LGR6: variants seen among roughly 807,000 people sequenced by gnomAD.
The protein encoded by LGR6 is leucine rich repeat containing G protein-coupled receptor 6, also known as leucine-rich repeat-containing G protein-coupled receptor 6.
In LGR6, 45 loss-of-function variants were observed where a neutral mutation model predicts 69.4. The observed-to-expected ratio is 0.65, with a 90% CI of 0.51 to 0.83. The LOEUF (loss-of-function observed/expected upper bound fraction) is 0.83. Ranked by LOEUF, LGR6 falls within the 40% of genes least tolerant of loss-of-function variation. LGR6 has a pLI of 0.00. For missense variants in LGR6, 1,108 were observed against 1,246.7 expected, an observed-to-expected ratio of 0.89 and a Z score of 1.68; for synonymous variants, 538 against 555.0, an observed-to-expected ratio of 0.97 and a Z score of 0.43.
chr1:202,211,024 T>A (rs993049710), intron 1 of LGR6, among the ~76,000 whole-genome samples: 2 of 152,072 alleles, frequency 1.3e-5, no homozygotes, highest in Admixed American at 6.6e-5. Flanking sequence ...AGAAGGTGGG[T>A]AGGATGGGGC....
intron 1 of LGR6, among the ~76,000 whole-genome samples, chr1:202,215,018 T>TGCGCGC (rs1553239904): frequency 6.1e-5 from 9 of 146,598 alleles, no homozygotes; most frequent in African/African-American, 2.4e-4. Flanking sequence ...TGTGTGTGTG[T>TGCGCGC]GTGCGCGCGC....
At chr1:202,298,159 G>A (rs1667299092) in intron 7 of LGR6, among the ~76,000 whole-genome samples, 2 of 152,200 alleles carry the variant, frequency 1.3e-5, no homozygotes, top group Non-Finnish European at 2.9e-5. Context: ...GGTAAAACAG[G>A]GAGCAGGACA....
intron 1 of LGR6, among the ~76,000 whole-genome samples, chr1:202,200,241 A>G: frequency 6.6e-6 from 1 of 152,244 alleles, no homozygotes; most frequent in South Asian, 2.1e-4. Context: ...CTCTCCAAAG[A>G]GGAAGAATCT....
intron 4 of LGR6, among the ~76,000 whole-genome samples, chr1:202,273,106 G>A (rs536204478): frequency 6.6e-6 from 1 of 152,332 alleles, no homozygotes; most frequent in Admixed American, 6.5e-5. Flanking sequence ...GGGCCTTGGG[G>A]GGCTTAATCT....
intron 4 of LGR6, among the ~76,000 whole-genome samples, chr1:202,275,270 A>G (rs2148158528): frequency 6.6e-6 from 1 of 152,300 alleles, no homozygotes; most frequent in East Asian, 1.9e-4. Flanking sequence ...GTCCAGCAAT[A>G]GATCCATGGT....
Position 202,318,986 on chromosome 1 carries a change from G to A in LGR6, c.2683G>A (p.Gly895Ser). 6.2e-7 allele frequency: 1 copy of A among 1,613,778 alleles called. No homozygotes were observed. Among genetic ancestry groups the A allele is most frequent in the Non-Finnish European group, 8.5e-7 (1 of 1,179,810 alleles). Residue 895 changes from glycine to serine, a missense_variant, in exon 18 of 18, where the codon GGC becomes AGC. By Grantham distance (56) the Gly-to-Ser change is moderately conservative. Coordinates refer to ENST00000367278, the MANE Select transcript of LGR6 (RefSeq NM_001017403.2). ...GCGGCCCCCTGGGCTGGAGACCTAT[G>A]GCTTCCCCTCAGTGACCCTCATCTC... ...AGRPPGLETYGFPSVTLISCQ... is the reference protein window; with the variant it reads ...AGRPPGLETYSFPSVTLISCQ...
chr1:202,197,478 G>A (rs369672012), intron 1 of LGR6: 98 of 532,980 alleles, frequency 1.8e-4, no homozygotes, highest in Non-Finnish European at 3.0e-4. Context: ...CACTCACCGG[G>A]GTTTTGACAT....
chr1:202,310,315 A>G lies in LGR6; in HGVS notation c.1525A>G (p.Lys509Glu). ...DLHLDDEESSKRPLGLLARQA... is the reference protein window; with the variant it reads ...DLHLDDEESSERPLGLLARQA... Reference sequence around the variant, plus strand: ...TCACCTTGATGATGAGGAGTCTTCAAAAAGGCCCCTGGGCCTCCTTGCCAG... The same window carrying G: ...TCACCTTGATGATGAGGAGTCTTCAGAAAGGCCCCTGGGCCTCCTTGCCAG... Residue 509 changes from lysine (K) to glutamate (E), a missense_variant, in exon 16 of 18, where the codon AAA becomes GAA. Lys to Glu is a moderately conservative substitution (Grantham distance 56, BLOSUM62 1). Coordinates refer to ENST00000367278, the MANE Select transcript of LGR6 (RefSeq NM_001017403.2). 2 of 1,614,054 alleles carry G rather than the reference A, an allele frequency of 1.2e-6. No individual in the cohort carries two copies. The highest frequency in any genetic ancestry group is 1.7e-6 in the Non-Finnish European group (2 of 1,180,012).
intron 4 of LGR6, among the ~76,000 whole-genome samples, chr1:202,238,164 G>A (rs991939449): frequency 6.7e-6 from 1 of 148,578 alleles, no homozygotes; most frequent in Non-Finnish European, 1.5e-5. Flanking sequence ...TGACCTGATC[G>A]CAACTCACTG....
chr1:202,263,537 A>G (rs1664404923), intron 4 of LGR6, among the ~76,000 whole-genome samples: 2 of 152,094 alleles, frequency 1.3e-5, no homozygotes, highest in African/African-American at 4.8e-5. Context: ...AGTGTGTTTG[A>G]TTTGTTCCTT....
At chr1:202,260,090 C>T (rs534576247) in intron 4 of LGR6, among the ~76,000 whole-genome samples, 1 of 152,340 alleles carries the variant, frequency 6.6e-6, no homozygotes, top group African/African-American at 2.4e-5. Flanking sequence ...ACTCTGTCGT[C>T]CCGGCTGGAG....
At chr1:202,214,327 G>T in intron 1 of LGR6, 2 of 1,311,936 alleles carry the variant, frequency 1.5e-6, no homozygotes, top group Non-Finnish European at 1.0e-6. Context: ...GACGCGACGG[G>T]TGGGGCGCTA....
chr1:202,309,078 A>C lies in LGR6; in HGVS notation c.1308A>C (p.Thr436=), dbSNP rs751894220. The change falls in exon 15 of 18, where the codon ACA becomes ACC. Residue 436 remains threonine (T), a synonymous_variant. Transcript: ENST00000367278. The stretch of plus-strand genomic sequence containing the variant: ...ACCTGACAGACAACCAGCTGACCAC[A>C]CTGCCCCTGGCTGGACTTGGGGGCT... ...KLDLTDNQLT[T]LPLAGLGGLM... The C allele has an allele frequency of 7.4e-6, 12 of 1,614,020 alleles. No individual in the cohort carries two copies. The highest frequency in any genetic ancestry group is 9.3e-6 in the Non-Finnish European group (11 of 1,179,948).
chr1:202,238,220 T>G (rs1446159739), intron 4 of LGR6, among the ~76,000 whole-genome samples: 1 of 150,908 alleles, frequency 6.6e-6, no homozygotes, highest in Non-Finnish European at 1.5e-5. Flanking sequence ...CTTAGCCTCC[T>G]GAGTAGCTGG....
chr1:202,195,920 C>T (rs1282320581), intron 1 of LGR6, among the ~76,000 whole-genome samples: 1 of 152,140 alleles, frequency 6.6e-6, no homozygotes, highest in Admixed American at 6.5e-5. Context: ...TTCAAGCATC[C>T]TACCATCCAT....
intron 4 of LGR6, among the ~76,000 whole-genome samples, chr1:202,250,414 A>G (rs1008846066): frequency 1.3e-5 from 2 of 149,854 alleles, no homozygotes; most frequent in Admixed American, 6.6e-5. Flanking sequence ...TATTATTATT[A>G]TTATTTTTTG....
In LGR6 at chr1:202,318,863, G is replaced by T. The variant is rs202233703; in HGVS notation, c.2560G>T (p.Ala854Ser). The T allele has an allele frequency of 4.3e-6, 7 of 1,613,800 alleles. No homozygotes were observed. The highest frequency in any genetic ancestry group is 5.9e-6 in the Non-Finnish European group (7 of 1,179,874). Reference protein sequence around the residue: ...RAGDSGPLAYAAAGELEKSSC... With the variant: ...RAGDSGPLAYSAAGELEKSSC... The stretch of plus-strand genomic sequence containing the variant: ...AGGGGACTCAGGGCCCCTAGCCTAT[G>T]CTGCGGCCGGGGAGCTGGAGAAGAG... The change falls in exon 18 of 18, where the codon GCT becomes TCT. Residue 854 changes from alanine to serine, a missense_variant. Ala to Ser is a moderately conservative substitution (Grantham distance 99, BLOSUM62 1). Coordinates refer to ENST00000367278, the MANE Select transcript of LGR6 (RefSeq NM_001017403.2).
At chr1:202,214,545 G>A (rs76069988) in intron 1 of LGR6, among the ~76,000 whole-genome samples, 11,010 of 152,158 alleles carry the variant, frequency 0.072, 501 homozygotes, top group Admixed American at 0.11. Context: ...GTGCAGCTAG[G>A]GGCTCCACTG....
chr1:202,291,932 T>C (rs1558067566), intron 6 of LGR6, among the ~76,000 whole-genome samples: 1 of 152,112 alleles, frequency 6.6e-6, no homozygotes, highest in Non-Finnish European at 1.5e-5. Context: ...AGAGAGTGAG[T>C]GAATCATTCT....
Sources: allele counts gnomAD v4.1 joint callset (sites outside exome capture counted in the v4.1 genomes callset), GRCh38; gene constraint gnomAD v4.1.1; transcripts MANE v1.5; gene names NCBI Gene and HGNC (gene_info 2026-07-23, HGNC 2026-07-21).